The following NDST4 variants were observed in gnomAD, a reference collection of about 807,000 sequenced individuals.
The protein encoded by NDST4 is N-heparan sulfate sulfotransferase 4.
A neutral mutation model predicts 100.8 loss-of-function variants in NDST4; 63 were observed. That is an observed-to-expected ratio of 0.62 (90% CI 0.51 to 0.77). The LOEUF (loss-of-function observed/expected upper bound fraction) is 0.77. NDST4 is among the 30% of genes least tolerant of loss of function. NDST4 has a pLI of 0.00. For synonymous variants in NDST4, 377 were observed against 361.8 expected (o/e 1.04, Z -0.48); for missense variants, 943 against 1,018.4 (o/e 0.93, Z 1.01).
Position 115,076,435 on chromosome 4 carries a change from A to G in NDST4, c.602T>C (p.Leu201Ser). Residue 201 changes from leucine (L) to serine (S), a missense_variant, in exon 2 of 14, where the codon TTG becomes TCG. Leu to Ser is a moderately radical substitution (Grantham distance 145). This residue lies in a region of NDST4 where 417 missense variants were observed against 384.2 expected (regional missense o/e 1.09). Coordinates refer to ENST00000264363, the MANE Select transcript of NDST4 (RefSeq NM_022569.3). ...CTTGGGGGCTTTGGTAATATGCAGC[A>G]AAGGAGATTGAGGGTTAACAAAACA... ...KDCFVNPQSPLLHITKAPKVE... is the reference protein window; with the variant it reads ...KDCFVNPQSPSLHITKAPKVE... 3 of 1,613,996 alleles carry G rather than the reference A, an allele frequency of 1.9e-6. No homozygotes were observed. The highest frequency in any genetic ancestry group is 2.5e-6 in the Non-Finnish European group (3 of 1,179,968).
intron 7 of NDST4, among the ~76,000 whole-genome samples, chr4:114,858,849 C>T (rs1444437616): frequency 6.6e-6 from 1 of 152,150 alleles, no homozygotes; most frequent in African/African-American, 2.4e-5. Context: ...TCACCAAACA[C>T]AAAGCTAAAA....
intron 2 of NDST4, among the ~76,000 whole-genome samples, chr4:114,986,901 T>G (rs950684280): frequency 6.7e-6 from 1 of 148,366 alleles, no homozygotes; most frequent in Admixed American, 6.8e-5. Flanking sequence ...TTTTTTTGTC[T>G]TGTAAAAAGA....
rs575743023 is a variant in NDST4, at chr4:114,895,753, G to T, written c.1537-24803C>A. 2.6e-5 allele frequency among the ~76,000 whole-genome samples: 4 copies of T among 151,916 alleles called. No homozygotes were observed. In the South Asian group the frequency reaches 8.3e-4, roughly 32 times the overall value. Reference sequence around the variant, plus strand: ...ATCCTCAATAAAATACAGGCAAACCGAATCCAGCAGCACATATATAACTAA... The same window carrying T: ...ATCCTCAATAAAATACAGGCAAACCTAATCCAGCAGCACATATATAACTAA... On this transcript the variant is annotated intron_variant, in intron 6 of 13. Coordinates refer to ENST00000264363, the MANE Select transcript of NDST4 (RefSeq NM_022569.3).
intron 4 of NDST4, among the ~76,000 whole-genome samples, chr4:114,957,189 A>G (rs1211327686): frequency 6.6e-6 from 1 of 152,216 alleles, no homozygotes. Flanking sequence ...GTCCATTTTT[A>G]TACTTCTATG....
intron 7 of NDST4, among the ~76,000 whole-genome samples, chr4:114,866,490 C>G (rs568244674): frequency 2.0e-5 from 3 of 152,210 alleles, no homozygotes; most frequent in Non-Finnish European, 4.4e-5. Context: ...CATTACATCA[C>G]TATTTACTAT....
At chr4:115,070,730 C>CA (rs200020466) in intron 2 of NDST4, among the ~76,000 whole-genome samples, 42 of 151,476 alleles carry the variant, frequency 2.8e-4, no homozygotes, top group Admixed American at 2.3e-3. Flanking sequence ...AATAATTCTC[C>CA]AAAAAAAAGA....
At chr4:114,890,358 T>C (rs917455898) in intron 6 of NDST4, among the ~76,000 whole-genome samples, 1 of 152,090 alleles carries the variant, frequency 6.6e-6, no homozygotes, top group African/African-American at 2.4e-5. Context: ...CAACTTTAAA[T>C]AAATAATAAC....
At chr4:114,966,134 T>G (rs555022940) in intron 4 of NDST4, among the ~76,000 whole-genome samples, 53 of 152,158 alleles carry the variant, frequency 3.5e-4, no homozygotes, top group African/African-American at 1.3e-3. Flanking sequence ...ACTAAGATCC[T>G]GTATACAAAC....
chr4:114,829,266 C>T (rs1039032250), intron 13 of NDST4, among the ~76,000 whole-genome samples: 9 of 152,012 alleles, frequency 5.9e-5, no homozygotes, highest in Non-Finnish European at 1.3e-4. Context: ...TATTTTCCTG[C>T]CGTTTTCTGG....
At chr4:114,947,658 G>A (rs1725895281) in intron 4 of NDST4, among the ~76,000 whole-genome samples, 1 of 150,562 alleles carries the variant, frequency 6.6e-6, no homozygotes, top group Non-Finnish European at 1.5e-5. Flanking sequence ...AGTACTGTAG[G>A]CAGAAATGTG....
intron 1 of NDST4, among the ~76,000 whole-genome samples, chr4:115,100,004 A>T (rs9996306): frequency 6.6e-6 from 1 of 152,110 alleles, no homozygotes; most frequent in African/African-American, 2.4e-5. Context: ...CTATCAAGCC[A>T]CAGAAATACA....
intron 2 of NDST4, among the ~76,000 whole-genome samples, chr4:115,038,387 G>C (rs1276914598): frequency 6.6e-6 from 1 of 152,080 alleles, no homozygotes; most frequent in Non-Finnish European, 1.5e-5. Context: ...CCTCAGCAAA[G>C]GAAAGGACAA....
At chr4:115,075,765 C>G (rs1022045574) in intron 2 of NDST4, among the ~76,000 whole-genome samples, 21 of 117,208 alleles carry the variant, frequency 1.8e-4, no homozygotes, top group Non-Finnish European at 1.6e-5. Context: ...GCCTGGGCGA[C>G]AGAGCAAGAG....
At chr4:115,052,785 A>ACTT in intron 2 of NDST4, among the ~76,000 whole-genome samples, 1 of 152,110 alleles carries the variant, frequency 6.6e-6, no homozygotes, top group Non-Finnish European at 1.5e-5. Flanking sequence ...CATTCATTCA[A>ACTT]CAAATATTCA....
chr4:114,830,255 A>G, intron 12 of NDST4, among the ~76,000 whole-genome samples: 1 of 152,176 alleles, frequency 6.6e-6, no homozygotes, highest in East Asian at 1.9e-4. Context: ...TTACTTATGG[A>G]TGTGATTTCA....
chr4:114,889,918 A>C (rs1479464415), intron 6 of NDST4, among the ~76,000 whole-genome samples: 1 of 152,164 alleles, frequency 6.6e-6, no homozygotes, highest in African/African-American at 2.4e-5. Flanking sequence ...TTGGTTCACA[A>C]TGAATACAAA....
intron 2 of NDST4, among the ~76,000 whole-genome samples, chr4:115,025,630 A>C (rs1727967005): frequency 6.6e-6 from 1 of 152,132 alleles, no homozygotes; most frequent in Non-Finnish European, 1.5e-5. Flanking sequence ...TTCCATCAGC[A>C]TGCTACAATG....
intron 9 of NDST4, among the ~76,000 whole-genome samples, chr4:114,847,375 CAAAAAAAAAAAAAAAAAAAAAAAAAAAAA>C (rs57987259): frequency 2.7e-4 from 5 of 18,244 alleles, no homozygotes; most frequent in Non-Finnish European, 8.8e-5. Flanking sequence ...GACTCCGTCT[CAAAAAAAAAAAAAAAAAAAAAAAAAAAAA>C]AAAAAAAAAA....
chr4:115,090,725 A>G (rs902183998), intron 1 of NDST4, among the ~76,000 whole-genome samples: 7 of 152,098 alleles, frequency 4.6e-5, no homozygotes, highest in African/African-American at 1.7e-4. Flanking sequence ...ATAGGCCAAC[A>G]GCACCTGTTC....
Sources: gnomAD v4.1 joint callset for allele counts (sites outside exome capture counted in the v4.1 genomes callset) on GRCh38, gnomAD v4.1.1 for gene constraint, gnomAD v4.1.1 regional missense constraint, MANE v1.5 for transcripts, NCBI Gene and HGNC (gene_info 2026-07-23, HGNC 2026-07-21) for gene names.